CEP57L1: variants seen among roughly 807,000 people sequenced by gnomAD.
The protein encoded by CEP57L1 is centrosomal protein 57 like 1, also known as centrosomal protein CEP57L1.
CEP57L1 carries 37 observed loss-of-function variants against 61.0 expected under a neutral mutation model. The ratio of observed to expected loss-of-function variants is 0.61; its 90% CI spans 0.47 to 0.80. The LOEUF (loss-of-function observed/expected upper bound fraction) is 0.80. Among genes scored for constraint, CEP57L1 ranks in the 30% least tolerant of loss-of-function variants. The pLI, the probability that CEP57L1 is intolerant of heterozygous loss-of-function variation, is 0.00. For missense variants in CEP57L1, 422 were observed against 524.7 expected, an observed-to-expected ratio of 0.80 and a Z score of 1.91; for synonymous variants, 137 against 162.3, an observed-to-expected ratio of 0.84 and a Z score of 1.19.
In CEP57L1 at chr6:109,167,533, A is replaced by T. The variant is rs1177823791; in HGVS notation, c.*4563A>T. Among the ~76,000 whole-genome samples, 1 of 152,066 alleles carries T rather than the reference A, an allele frequency of 6.6e-6. No homozygotes were observed. The highest frequency in any genetic ancestry group is 1.9e-4 in the East Asian group (1 of 5,190). Reference sequence around the variant, plus strand: ...CCTGTCTCTACTAAAAATAAAAAAAAATTAGCTGGGTGTGGTAGCATGCAG... The same window carrying T: ...CCTGTCTCTACTAAAAATAAAAAAATATTAGCTGGGTGTGGTAGCATGCAG... On this transcript the variant is annotated 3_prime_UTR_variant, in exon 11 of 11. Coordinates refer to ENST00000517392, the MANE Select transcript of CEP57L1 (RefSeq NM_001271852.3).
chr6:109,162,857 A>G lies in CEP57L1; in HGVS notation c.1270A>G (p.Arg424Gly), dbSNP rs1773843061. ...KGSKNIKNSP[R>G]KCLTDTNLFQ... ...ATCAAAGAACATAAAAAATAGCCCC[A>G]GAAAATGTTTGACTGACACTAACCT... The change falls in exon 11 of 11, where the codon AGA becomes GGA. Residue 424 changes from arginine (R) to glycine (G), a missense_variant. Arg to Gly is a moderately radical substitution (Grantham distance 125). Transcript: ENST00000517392. 21 of 1,613,360 alleles carry G rather than the reference A, an allele frequency of 1.3e-5. No homozygotes were observed. The highest frequency in any genetic ancestry group is 1.7e-5 in the Non-Finnish European group (20 of 1,179,484).
chr6:109,142,284 A>G (rs542287225), intron 1 of CEP57L1, among the ~76,000 whole-genome samples: 20 of 152,330 alleles, frequency 1.3e-4, no homozygotes, highest in African/African-American at 4.3e-4. Context: ...TGCAGCCATA[A>G]AAAGGAATGA....
rs74958090 is a variant in CEP57L1 at position 109,162,010 on chromosome 6, A to G, written c.1162-739A>G. 2.9e-3 allele frequency among the ~76,000 whole-genome samples: 448 copies of G among 152,100 alleles called. 1 individual carries two copies. Among genetic ancestry groups the G allele is most frequent in the African/African-American group, 0.01 (431 of 41,534 alleles). On this transcript the variant is annotated intron_variant, in intron 10 of 10. Transcript: ENST00000517392. The stretch of plus-strand genomic sequence containing the variant: ...AATTGATTTTGGCTAGTTGATATGT[A>G]TTGTTTTTGTTTAATTCTGTCTGCC...
At chr6:109,115,101 A>G (rs2114657788) in intron 1 of CEP57L1, among the ~76,000 whole-genome samples, 1 of 152,318 alleles carries the variant, frequency 6.6e-6, no homozygotes, top group East Asian at 1.9e-4. Flanking sequence ...AATTAATGAT[A>G]GTTGATTTTG....
intron 1 of CEP57L1, among the ~76,000 whole-genome samples, chr6:109,112,436 A>G (rs1771770374): frequency 6.6e-6 from 1 of 151,676 alleles, no homozygotes; most frequent in East Asian, 1.9e-4. Context: ...TCGTGTATCT[A>G]TTTTGTTGAT....
chr6:109,159,625 A>G (rs1773550860), intron 9 of CEP57L1, among the ~76,000 whole-genome samples, 163 bp downstream of exon 9: 1 of 152,022 alleles, frequency 6.6e-6, no homozygotes, highest in Non-Finnish European at 1.5e-5. Context: ...TTTATTCTTT[A>G]TCAGGAGAAG....
chr6:109,136,736 TTTTATTTTATTTTATTTTATTTTA>T (rs1770768962), intron 1 of CEP57L1, among the ~76,000 whole-genome samples: 5 of 147,662 alleles, frequency 3.4e-5, no homozygotes, highest in African/African-American at 1.0e-4. Flanking sequence ...TTTTATTTTA[TTTTATTTTATTTTATTTTATTTTA>T]TTTATTTTTT....
Position 109,164,729 on chromosome 6 carries a change from T to C in CEP57L1, c.*1759T>C, listed in dbSNP as rs1426982086. Reference sequence around the variant, plus strand: ...ACATTTAGGAAGGTGGCTGAATATATTTAGTTATTAATAATTCATTACTTG... The same window carrying C: ...ACATTTAGGAAGGTGGCTGAATATACTTAGTTATTAATAATTCATTACTTG... On this transcript the variant is annotated 3_prime_UTR_variant, in exon 11 of 11. Transcript: ENST00000517392. Among the ~76,000 whole-genome samples, 13 of 152,152 alleles carry C rather than the reference T, an allele frequency of 8.5e-5. No individual in the cohort carries two copies. The highest frequency in any genetic ancestry group is 8.5e-4 in the Admixed American group (13 of 15,266).
chr6:109,133,428 T>C (rs1378996630), intron 1 of CEP57L1, among the ~76,000 whole-genome samples: 1 of 152,142 alleles, frequency 6.6e-6, no homozygotes, highest in Non-Finnish European at 1.5e-5. Context: ...CAGGAGGTAA[T>C]GCTCGCTGAC....
At chr6:109,125,203 AG>A (rs1409867496) in intron 1 of CEP57L1, among the ~76,000 whole-genome samples, 1 of 152,174 alleles carries the variant, frequency 6.6e-6, no homozygotes, top group African/African-American at 2.4e-5. Flanking sequence ...GTCATCCTAA[AG>A]GTTAAATTGT....
intron 4 of CEP57L1, among the ~76,000 whole-genome samples, chr6:109,151,700 A>T (rs1462770753): frequency 6.6e-6 from 1 of 152,128 alleles, no homozygotes; most frequent in East Asian, 1.9e-4. Flanking sequence ...TCAGAATGCT[A>T]AGTATTGTCT....
chr6:109,130,117 T>C (rs1774012089), intron 1 of CEP57L1, among the ~76,000 whole-genome samples: 1 of 152,194 alleles, frequency 6.6e-6, no homozygotes, highest in South Asian at 2.1e-4. Flanking sequence ...GAATCAAAGA[T>C]TGTTTTTATC....
chr6:109,121,840 A>G (rs1462301467), intron 1 of CEP57L1, among the ~76,000 whole-genome samples: 6 of 152,312 alleles, frequency 3.9e-5, no homozygotes, highest in African/African-American at 9.6e-5. Context: ...AATTTTTAAT[A>G]GTGTCTTTGT....
intron 1 of CEP57L1, among the ~76,000 whole-genome samples, chr6:109,123,382 T>C (rs1459289279): frequency 6.6e-6 from 1 of 152,170 alleles, no homozygotes; most frequent in Non-Finnish European, 1.5e-5. Context: ...AGCCCCTTAA[T>C]AGCTGCATGA....
intron 1 of CEP57L1, chr6:109,130,770 A>C (rs537521958): frequency 6.6e-6 from 1 of 151,556 alleles, no homozygotes; most frequent in African/African-American, 2.4e-5. Context: ...AATACTGCAT[A>C]GGTGATGTTG....
At chr6:109,128,304 C>T (rs1773809480) in intron 1 of CEP57L1, among the ~76,000 whole-genome samples, 1 of 152,110 alleles carries the variant, frequency 6.6e-6, no homozygotes, top group Non-Finnish European at 1.5e-5. Flanking sequence ...TACCCATTTG[C>T]CCAACCAAAA....
In CEP57L1 at chr6:109,163,111, A is replaced by C; in HGVS notation, c.*141A>C. The C allele has an allele frequency of 3.2e-6, 2 of 616,576 alleles. No homozygotes were observed. Among genetic ancestry groups the C allele is most frequent in the South Asian group, 4.4e-5 (2 of 45,434 alleles). 38.2% of individuals were successfully genotyped at this position (616,576 alleles called of 1,614,324 possible). ...AAAACATGAAGTTGCAGTATTTAAA[A>C]ATTAATGCCTAATGACCTGGTGGGT... On this transcript the variant is annotated 3_prime_UTR_variant, in exon 11 of 11. Coordinates refer to ENST00000517392, the MANE Select transcript of CEP57L1 (RefSeq NM_001271852.3).
At chr6:109,096,443 A>G (rs1021411394) in intron 1 of CEP57L1, among the ~76,000 whole-genome samples, 3 of 152,154 alleles carry the variant, frequency 2.0e-5, no homozygotes, top group Admixed American at 6.5e-5. Flanking sequence ...ATCCCAGGGG[A>G]AATGAAGACC....
At chr6:109,103,789 A>T (rs1018191780) in intron 1 of CEP57L1, among the ~76,000 whole-genome samples, 16 of 152,158 alleles carry the variant, frequency 1.1e-4, no homozygotes, top group African/African-American at 3.9e-4. Flanking sequence ...CTAGCAATAT[A>T]CGCAACATAC....
Sources: gnomAD v4.1 joint callset for allele counts (sites outside exome capture counted in the v4.1 genomes callset) on GRCh38, gnomAD v4.1.1 for gene constraint, MANE v1.5 for transcripts, NCBI Gene and HGNC (gene_info 2026-07-23, HGNC 2026-07-21) for gene names.